LRRC19: variants seen among roughly 807,000 people sequenced by gnomAD.
LRRC19 encodes the protein leucine-rich repeat-containing protein 19.
LRRC19 carries 33 observed loss-of-function variants against 33.3 expected under a neutral mutation model. That is an observed-to-expected ratio of 0.99 (90% CI 0.75 to 1.33). The LOEUF is 1.33. LRRC19 is among the 40% of genes most tolerant of loss of function. The pLI is 0.00. For synonymous variants in LRRC19, 184 were observed against 152.3 expected (o/e 1.21, Z -1.53); for missense variants, 463 against 417.3 (o/e 1.11, Z -0.95).
intron 1 of LRRC19, among the ~76,000 whole-genome samples, chr9:27,000,648 A>C (rs1828433998): frequency 6.6e-6 from 1 of 152,204 alleles, no homozygotes; most frequent in Admixed American, 6.5e-5. Context: ...GGAAACATTC[A>C]AATTCTCTTC....
rs116948667 is a variant in LRRC19 at position 27,004,126 on chromosome 9, G to T, written c.-10+1466C>A. Among the ~76,000 whole-genome samples, 3 of 152,278 alleles carry T rather than the reference G, an allele frequency of 2.0e-5. No homozygotes were observed. In the East Asian group the frequency reaches 5.8e-4, roughly 29 times the overall value. On this transcript the variant is annotated intron_variant, in intron 1 of 4. Coordinates refer to ENST00000380055, the MANE Select transcript of LRRC19 (RefSeq NM_022901.3). Reference sequence around the variant, plus strand: ...AGTTAAAAGTTGATATGAAATAGAAGCAGGTGAAAAAAGTAATGGAGGCAA... The same window carrying T: ...AGTTAAAAGTTGATATGAAATAGAATCAGGTGAAAAAAGTAATGGAGGCAA...
At chr9:27,002,971 G>C (rs960681089) in intron 1 of LRRC19, among the ~76,000 whole-genome samples, 3 of 151,790 alleles carry the variant, frequency 2.0e-5, no homozygotes, top group Non-Finnish European at 4.4e-5. Flanking sequence ...TTTCATCAGT[G>C]TTTTACAGTT....
In LRRC19 at chr9:26,998,012, A is replaced by T. The variant is rs761665412; in HGVS notation, c.311T>A (p.Ile104Asn). ...GNLSSLEILN[I>N]CRNSIYVIQQ... ...AATTACATAGATGGAGTTTCTACAG[A>T]TATTTAAAATTTCTAGACTGGAGAG... Residue 104 changes from isoleucine to asparagine, a missense_variant, in exon 3 of 5, where the codon ATC becomes AAC. Physicochemically the swap from Ile to Asn is moderately radical, Grantham distance 149 (BLOSUM62 -3). Transcript: ENST00000380055. The T allele has an allele frequency of 5.0e-6, 8 of 1,613,924 alleles. No homozygotes were observed. Among genetic ancestry groups the T allele is most frequent in the Non-Finnish European group, 5.1e-6 (6 of 1,179,906 alleles).
chr9:27,000,849 A>G (rs78855809), intron 1 of LRRC19, among the ~76,000 whole-genome samples: 6,118 of 152,278 alleles, frequency 0.04, 206 homozygotes, highest in South Asian at 0.13. Context: ...AGTTGAAGGA[A>G]AAAAATTACT....
chr9:26,997,000 C>T (rs1487894966), intron 3 of LRRC19, among the ~76,000 whole-genome samples: 2 of 151,940 alleles, frequency 1.3e-5, no homozygotes, highest in African/African-American at 2.4e-5. Context: ...CACCTGAGGT[C>T]GGGAGTTTGA....
At position 26,997,800 on chromosome 9, in the gene LRRC19, C is replaced by T; in HGVS notation, c.523G>A (p.Gly175Arg). The part of the protein sequence containing the change: ...LFHLELITLY[G>R]NLWNCSCSLF... Reference sequence around the variant, plus strand: ...CTGCAAGAGCAGTTCCATAGGTTTCCATATAAAGTTATTAATTCCAGATGA... The same window carrying T: ...CTGCAAGAGCAGTTCCATAGGTTTCTATATAAAGTTATTAATTCCAGATGA... Residue 175 changes from glycine (G) to arginine (R), a missense_variant, in exon 3 of 5, where the codon GGA becomes AGA. Transcript: ENST00000380055. 1.9e-6 allele frequency: 3 copies of T among 1,614,050 alleles called. No individual in the cohort carries two copies. Among genetic ancestry groups the T allele is most frequent in the South Asian group, 2.2e-5 (2 of 91,030 alleles).
In LRRC19 at chr9:26,998,251, C is replaced by CA. The variant is rs546349071; in HGVS notation, c.82-11dup. The CA allele has an allele frequency of 6.2e-5, 85 of 1,363,554 alleles. No homozygotes were observed. Among genetic ancestry groups the CA allele is most frequent in the African/African-American group, 2.8e-4 (19 of 66,852 alleles). 84.5% of individuals were successfully genotyped at this position (1,363,554 alleles called of 1,614,324 possible). On this transcript the variant is annotated splice_polypyrimidine_tract_variant and intron_variant, in intron 2 of 4. Transcript: ENST00000380055. ...AATTACATTGGACTTCCTAGAAAAACAAAAAAAAGAAAGGCATTAATCAGA... is the reference window on the plus strand; with the variant it reads ...AATTACATTGGACTTCCTAGAAAAACAAAAAAAAAGAAAGGCATTAATCAGA...
chr9:26,995,853 T>G lies in LRRC19; in HGVS notation c.785-4A>C. The stretch of plus-strand genomic sequence containing the variant: ...CTTTTTCCAAGAGGTTCATGTTCTT[T>G]AATGGAATACCAAGAGAGGAGAGAG... On this transcript the variant is annotated splice_polypyrimidine_tract_variant and splice_region_variant and intron_variant, in intron 4 of 4. Transcript: ENST00000380055. 1.9e-6 allele frequency: 3 copies of G among 1,590,228 alleles called. No homozygotes were observed. The highest frequency in any genetic ancestry group is 2.6e-6 in the Non-Finnish European group (3 of 1,169,008).
intron 1 of LRRC19, among the ~76,000 whole-genome samples, chr9:27,003,598 A>G (rs1467034206): frequency 1.3e-5 from 2 of 152,136 alleles, no homozygotes; most frequent in African/African-American, 4.8e-5. Flanking sequence ...CTCGTTAGCA[A>G]TAAGGAATTT....
At chr9:27,004,835 C>G (rs745630007) in intron 1 of LRRC19, among the ~76,000 whole-genome samples, 1 of 151,636 alleles carries the variant, frequency 6.6e-6, no homozygotes, top group Non-Finnish European at 1.5e-5. Context: ...TTTTACCTAG[C>G]ATATGATCTA....
chr9:27,005,153 T>G (rs897287961), intron 1 of LRRC19, among the ~76,000 whole-genome samples: 2 of 149,118 alleles, frequency 1.3e-5, no homozygotes, highest in Non-Finnish European at 3.0e-5. Flanking sequence ...TTAAAACCTT[T>G]TTGTAATGGA....
At chr9:27,004,898 A>G (rs1828691028) in intron 1 of LRRC19, among the ~76,000 whole-genome samples, 1 of 152,230 alleles carries the variant, frequency 6.6e-6, no homozygotes, top group Non-Finnish European at 1.5e-5. Context: ...ATACTGAAAA[A>G]GAAGCATTGT....
At chr9:26,995,905 T>G in intron 4 of LRRC19, 56 bp from the exon 5 acceptor site, 1 of 1,212,278 alleles carries the variant, frequency 8.2e-7, no homozygotes, top group Non-Finnish European at 1.2e-6. Flanking sequence ...GTTGGCAAAA[T>G]AATCATAATT....
intron 1 of LRRC19, 100 bp from the exon 2 acceptor site, chr9:26,999,803 G>C (rs1339796719): frequency 1.6e-5 from 11 of 678,280 alleles, no homozygotes; most frequent in Non-Finnish European, 2.5e-5. Flanking sequence ...GCTGAGACAG[G>C]GTCTCACTCT....
At chr9:27,002,513 T>C (rs1005377617) in intron 1 of LRRC19, among the ~76,000 whole-genome samples, 1 of 152,250 alleles carries the variant, frequency 6.6e-6, no homozygotes, top group African/African-American at 2.4e-5. Context: ...TATATAGTTA[T>C]GCAGTTTTTC....
Position 26,995,598 on chromosome 9 carries a change from G to A in LRRC19, c.1036C>T (p.His346Tyr), listed in dbSNP as rs1273135932. The A allele has an allele frequency of 1.2e-6, 2 of 1,606,336 alleles. No individual in the cohort carries two copies. The highest frequency in any genetic ancestry group is 3.3e-5 in the Admixed American group (2 of 59,958). The change falls in exon 5 of 5, where the codon CAT (histidine) becomes TAT (tyrosine). Residue 346 changes from histidine (H) to tyrosine (Y), a missense_variant. By Grantham distance (83) the His-to-Tyr change is moderately conservative. Transcript: ENST00000380055. ...EETTVIFEQL[H>Y]SFVVDDDGFI... ...CCATCATCATCTACCACAAATGAAT[G>A]TAATTGTTCAAATATTACTGTAGTT...
In LRRC19 at chr9:26,995,532, C is replaced by T. The variant is rs937926804; in HGVS notation, c.1102G>A (p.Glu368Lys). ...DKYIDIHELC[E>K]EN ...AACTTTGAAAGAAATTAATTTTCTT[C>T]ACATAATTCATGGATATCTATATAT... Residue 368 changes from glutamate to lysine, a missense_variant, in exon 5 of 5, where the codon GAA (glutamate) becomes AAA (lysine). Glu to Lys is a moderately conservative substitution (Grantham distance 56, BLOSUM62 1). Coordinates refer to ENST00000380055, the MANE Select transcript of LRRC19 (RefSeq NM_022901.3). 4 of 1,541,148 alleles carry T rather than the reference C, an allele frequency of 2.6e-6. No homozygotes were observed. Among genetic ancestry groups the T allele is most frequent in the Non-Finnish European group, 3.5e-6 (4 of 1,134,964 alleles).
intron 4 of LRRC19, 116 bp from the exon 5 acceptor site, chr9:26,995,965 T>C (rs2131567051): frequency 1.3e-6 from 1 of 756,054 alleles, no homozygotes; most frequent in Non-Finnish European, 2.0e-6. Flanking sequence ...ACATACATTG[T>C]AGTTTTCTTT....
rs749823404 is a variant in LRRC19 at position 26,997,710 on chromosome 9, T to A, written c.595+18A>T. The A allele has an allele frequency of 1.9e-6, 3 of 1,567,904 alleles. No individual in the cohort carries two copies. Among genetic ancestry groups the A allele is most frequent in the African/African-American group, 2.7e-5 (2 of 72,772 alleles). On this transcript the variant is annotated intron_variant, in intron 3 of 4. Coordinates refer to ENST00000380055, the MANE Select transcript of LRRC19 (RefSeq NM_022901.3). ...TGAGTTAATCACATTTTGGTTTTGC[T>A]TAATTATGATAGCTTACCTAATGTC... is the stretch of plus-strand genomic sequence containing the variant.
Sources: allele counts gnomAD v4.1 joint callset (sites outside exome capture counted in the v4.1 genomes callset), GRCh38; gene constraint gnomAD v4.1.1; transcripts MANE v1.5; gene names NCBI Gene and HGNC (gene_info 2026-07-23, HGNC 2026-07-21).